Variants in IGF1R observed in about 807,000 individuals in gnomAD.
IGF1R encodes the protein insulin-like growth factor 1 receptor.
In IGF1R, 44 loss-of-function variants were observed where a neutral mutation model predicts 144.6. The ratio of observed to expected loss-of-function variants is 0.30; its 90% CI spans 0.24 to 0.39. The LOEUF (loss-of-function observed/expected upper bound fraction) is 0.39. Among genes scored for constraint, IGF1R ranks in the 10% least tolerant of loss-of-function variants. The pLI is 1.00. For missense variants in IGF1R, 1,355 were observed against 1,833.7 expected (o/e 0.74, Z 4.77); for synonymous variants, 795 against 722.8 (o/e 1.10, Z -1.60).
chr15:98,846,979 CTT>C (rs1284299278), intron 2 of IGF1R, among the ~76,000 whole-genome samples: 1 of 152,106 alleles, frequency 6.6e-6, no homozygotes, highest in Admixed American at 6.5e-5. Context: ...ACAGTTCACT[CTT>C]TTTCTTTTTT....
At chr15:98,884,711 C>G (rs913132259) in intron 2 of IGF1R, among the ~76,000 whole-genome samples, 20 of 142,624 alleles carry the variant, frequency 1.4e-4, no homozygotes, top group Admixed American at 5.6e-4. Flanking sequence ...AAAAGAAATT[C>G]TGTACCCTTC....
At chr15:98,689,234 CTTTTTTT>C (rs890361771) in intron 1 of IGF1R, among the ~76,000 whole-genome samples, 6 of 100,934 alleles carry the variant, frequency 5.9e-5, no homozygotes, top group South Asian at 3.3e-4. Flanking sequence ...AGTTGCACTA[CTTTTTTT>C]TTTTTTTTTT....
intron 1 of IGF1R, among the ~76,000 whole-genome samples, chr15:98,657,964 G>C (rs1351126431): frequency 6.6e-6 from 1 of 152,164 alleles, no homozygotes; most frequent in African/African-American, 2.4e-5. Flanking sequence ...TGCTGAGTTG[G>C]CCTCTGAACC....
intron 15 of IGF1R, among the ~76,000 whole-genome samples, chr15:98,930,771 C>G (rs191269443): frequency 6.6e-6 from 1 of 151,988 alleles, no homozygotes; most frequent in East Asian, 1.9e-4. Flanking sequence ...TCTGTCATTC[C>G]CTTCCGACTA....
intron 2 of IGF1R, among the ~76,000 whole-genome samples, chr15:98,876,017 G>A (rs1458895888): frequency 6.6e-6 from 1 of 152,136 alleles, no homozygotes; most frequent in African/African-American, 2.4e-5. Flanking sequence ...GTGATGTTGG[G>A]TGGGCCAGCA....
At chr15:98,824,868 G>C (rs536650172) in intron 2 of IGF1R, among the ~76,000 whole-genome samples, 1 of 147,728 alleles carries the variant, frequency 6.8e-6, no homozygotes, top group East Asian at 2.0e-4. Flanking sequence ...ACGGATTCTC[G>C]CTCTGTCACC....
chr15:98,701,625 C>T (rs189835205), intron 1 of IGF1R, among the ~76,000 whole-genome samples: 154 of 152,196 alleles, frequency 1.0e-3, no homozygotes, highest in African/African-American at 3.4e-3. Flanking sequence ...AGGCATGAGC[C>T]GCCGCACCCG....
intron 19 of IGF1R, among the ~76,000 whole-genome samples, chr15:98,943,806 T>C (rs2016452660): frequency 6.6e-6 from 1 of 152,214 alleles, no homozygotes; most frequent in South Asian, 2.1e-4. Context: ...GCTGTTGTGT[T>C]ACAGAAATGG....
intron 5 of IGF1R, 124 bp downstream of exon 5, chr15:98,899,745 G>A: frequency 1.1e-6 from 1 of 930,932 alleles, no homozygotes. Context: ...GGAAGCCGCA[G>A]TATTGCCTGT....
At chr15:98,757,249 T>C (rs1205239407) in intron 2 of IGF1R, among the ~76,000 whole-genome samples, 2 of 152,130 alleles carry the variant, frequency 1.3e-5, no homozygotes, top group Non-Finnish European at 2.9e-5. Flanking sequence ...CTGCAGCCTC[T>C]GTCTCCTGGA....
At position 98,854,612 on chromosome 15, in the gene IGF1R, C is replaced by T. The variant is rs747097892; in HGVS notation, c.641-36713C>T. Among the ~76,000 whole-genome samples the T allele has an allele frequency of 4.6e-4, 70 of 152,286 alleles. 1 individual carries two copies. Among genetic ancestry groups the T allele is most frequent in the Admixed American group, 2.9e-3 (44 of 15,306 alleles). ...GCCAGGTCAGCCTGTTCATTTTTTC[C>T]ATGCCAACAGCCTCTAAGTGCCAGT... is the stretch of plus-strand genomic sequence containing the variant. On this transcript the variant is annotated intron_variant, in intron 2 of 20. Coordinates refer to ENST00000650285, the MANE Select transcript of IGF1R (RefSeq NM_000875.5).
intron 20 of IGF1R, among the ~76,000 whole-genome samples, chr15:98,956,284 G>A (rs750864343): frequency 6.6e-6 from 1 of 152,252 alleles, no homozygotes; most frequent in African/African-American, 2.4e-5. Flanking sequence ...CAGCACAAGC[G>A]TCATCCTGTT....
intron 2 of IGF1R, among the ~76,000 whole-genome samples, chr15:98,789,755 C>T (rs530314327): frequency 6.6e-6 from 1 of 152,124 alleles, no homozygotes; most frequent in Non-Finnish European, 1.5e-5. Flanking sequence ...TTCTTAAACT[C>T]TGTGACAGTG....
rs1049882555 is a variant in IGF1R at position 98,708,008 on chromosome 15, C to T, written c.541C>T (p.Leu181=). The change falls in exon 2 of 21, where the codon CTG becomes TTG. Residue 181 remains leucine (L), a synonymous_variant. Coordinates refer to ENST00000650285, the MANE Select transcript of IGF1R (RefSeq NM_000875.5). ...TAAGCCCCCAAAGGAATGTGGGGAC[C>T]TGTGTCCAGGGACCATGGAGGAGAA... ...GNKPPKECGD[L]CPGTMEEKPM... is the part of the protein sequence containing the mutation. The T allele has an allele frequency of 3.1e-6, 5 of 1,613,944 alleles. No homozygotes were observed. The highest frequency in any genetic ancestry group is 3.4e-6 in the Non-Finnish European group (4 of 1,179,962).
intron 2 of IGF1R, among the ~76,000 whole-genome samples, chr15:98,849,432 A>G (rs1017438876): frequency 2.6e-5 from 4 of 152,242 alleles, no homozygotes; most frequent in East Asian, 1.9e-4. Flanking sequence ...ATCCAAGGTA[A>G]AAGTGTAAAC....
chr15:98,735,168 G>C (rs1358900040), intron 2 of IGF1R, among the ~76,000 whole-genome samples: 1 of 152,126 alleles, frequency 6.6e-6, no homozygotes, highest in South Asian at 2.1e-4. Context: ...ACCACCCCTC[G>C]TTTCAGTCCA....
intron 5 of IGF1R, among the ~76,000 whole-genome samples, chr15:98,905,092 T>G (rs2014668899): frequency 6.6e-6 from 1 of 152,202 alleles, no homozygotes; most frequent in African/African-American, 2.4e-5. Context: ...ATGCTGGAGA[T>G]GAGGCTCAGA....
chr15:98,930,093 T>C (rs190785284), intron 14 of IGF1R, 142 bp from the exon 15 acceptor site: 5 of 710,772 alleles, frequency 7.0e-6, no homozygotes, highest in Admixed American at 6.1e-5. Flanking sequence ...AGACAAGAGC[T>C]GCTGTAGACA....
In IGF1R at chr15:98,957,359, G is replaced by C; in HGVS notation, c.4021G>C (p.Asp1341His). ...PGVLVLRASF[D>H]ERQPYAHMNG... is the part of the protein sequence containing the mutation. ...GGTGCTGGTCCTCCGCGCCAGCTTC[G>C]ACGAGAGACAGCCTTACGCCCACAT... Residue 1341 changes from aspartate (D) to histidine (H), a missense_variant, in exon 21 of 21, where the codon GAC (aspartate) becomes CAC (histidine). Asp to His is a moderately conservative substitution (Grantham distance 81). Transcript: ENST00000650285. 6.2e-7 allele frequency: 1 copy of C among 1,612,416 alleles called. No individual in the cohort carries two copies. The highest frequency in any genetic ancestry group is 8.5e-7 in the Non-Finnish European group (1 of 1,179,016).
Sources: allele counts gnomAD v4.1 joint callset (sites outside exome capture counted in the v4.1 genomes callset), GRCh38; gene constraint gnomAD v4.1.1; transcripts MANE v1.5; gene names NCBI Gene and HGNC (gene_info 2026-07-23, HGNC 2026-07-21).